Variants in NAV2 observed in about 807,000 individuals in gnomAD.
The protein encoded by NAV2 is neuron navigator 2, also known as helicase, APC down-regulated 1.
Under a neutral mutation model 223.2 loss-of-function variants are expected in NAV2, and 54 were observed. That is an observed-to-expected ratio of 0.24 (90% CI 0.19 to 0.30). The LOEUF (loss-of-function observed/expected upper bound fraction) is 0.30, where lower values mean the gene tolerates loss of function less well. Ranked by LOEUF, NAV2 falls within the 10% of genes least tolerant of loss-of-function variation. The pLI is 1.00. For synonymous variants in NAV2, 1,279 were observed against 1,239.3 expected, an observed-to-expected ratio of 1.03 and a Z score of -0.67; for missense variants, 2,806 against 3,147.5, an observed-to-expected ratio of 0.89 and a Z score of 2.60.
intron 1 of NAV2, among the ~76,000 whole-genome samples, chr11:19,695,854 G>C (rs1185634495): frequency 6.7e-6 from 1 of 148,260 alleles, no homozygotes; most frequent in Non-Finnish European, 1.5e-5. Context: ...CAATGAGCTG[G>C]GATCACACCA....
intron 1 of NAV2, among the ~76,000 whole-genome samples, chr11:19,684,941 G>A (rs550065221): frequency 9.2e-5 from 14 of 152,314 alleles, no homozygotes; most frequent in Admixed American, 9.1e-4. Context: ...TGCTCAGTGA[G>A]TGCTGATTTC....
chr11:19,403,847 G>A (rs1364711820), intron 1 of NAV2, among the ~76,000 whole-genome samples: 1 of 152,068 alleles, frequency 6.6e-6, no homozygotes, highest in Non-Finnish European at 1.5e-5. Context: ...TGTTATTTTA[G>A]ATGGGGTGGC....
At chr11:19,875,288 G>A (rs1185740190) in intron 4 of NAV2, among the ~76,000 whole-genome samples, 1 of 152,156 alleles carries the variant, frequency 6.6e-6, no homozygotes, top group Non-Finnish European at 1.5e-5. Flanking sequence ...GAACATCATA[G>A]CTCAGCCTAA....
chr11:20,097,891 A>G, intron 31 of NAV2, 146 bp downstream of exon 31: 1 of 679,600 alleles, frequency 1.5e-6, no homozygotes, highest in Non-Finnish European at 2.4e-6. Context: ...ACTCTATGCA[A>G]GTTGAACCGT....
chr11:20,059,069 C>T (rs1170279433), intron 19 of NAV2, among the ~76,000 whole-genome samples: 4 of 151,938 alleles, frequency 2.6e-5, no homozygotes, highest in Non-Finnish European at 4.4e-5. Flanking sequence ...ATATCTGACT[C>T]AGTTGGGTTT....
At chr11:20,041,756 C>T (rs1020892101) in intron 12 of NAV2, among the ~76,000 whole-genome samples, 1 of 152,172 alleles carries the variant, frequency 6.6e-6, no homozygotes, top group African/African-American at 2.4e-5. Flanking sequence ...TTATTTTCTG[C>T]CTCAGGACCT....
At chr11:19,419,430 G>A (rs1053527603) in intron 1 of NAV2, among the ~76,000 whole-genome samples, 2 of 152,094 alleles carry the variant, frequency 1.3e-5, no homozygotes, top group Non-Finnish European at 2.9e-5. Flanking sequence ...TTCCAGCAGC[G>A]TGCATACCTC....
At chr11:19,391,280 C>T (rs1304842781) in intron 1 of NAV2, among the ~76,000 whole-genome samples, 1 of 152,146 alleles carries the variant, frequency 6.6e-6, no homozygotes, top group Admixed American at 6.5e-5. Context: ...CCCTTAGCTT[C>T]CATTCAGTTC....
chr11:19,803,007 G>T (rs141624624), intron 1 of NAV2, among the ~76,000 whole-genome samples: 1 of 152,136 alleles, frequency 6.6e-6, no homozygotes, highest in Non-Finnish European at 1.5e-5. Flanking sequence ...TCATGTTCTT[G>T]CACAGAGACG....
intron 1 of NAV2, among the ~76,000 whole-genome samples, chr11:19,816,961 T>A (rs2059122104): frequency 6.6e-6 from 1 of 152,114 alleles, no homozygotes; most frequent in Non-Finnish European, 1.5e-5. Flanking sequence ...GGACTCCACC[T>A]GGAGCCCTCT....
At chr11:19,440,563 A>G (rs1207406284) in intron 1 of NAV2, among the ~76,000 whole-genome samples, 1 of 152,172 alleles carries the variant, frequency 6.6e-6, no homozygotes, top group Non-Finnish European at 1.5e-5. Context: ...AACTCTAGTC[A>G]TTCATTCTTG....
At chr11:19,891,704 G>C (rs1335569597) in intron 5 of NAV2, among the ~76,000 whole-genome samples, 1 of 152,166 alleles carries the variant, frequency 6.6e-6, no homozygotes, top group Non-Finnish European at 1.5e-5. Context: ...AGTTTTCATT[G>C]CAAATATGTT....
chr11:20,077,381 A>C (rs1332172878), intron 22 of NAV2, among the ~76,000 whole-genome samples, 171 bp from the exon 23 acceptor site: 1 of 152,076 alleles, frequency 6.6e-6, no homozygotes, highest in Non-Finnish European at 1.5e-5. Flanking sequence ...AGCAAGTAGA[A>C]GACTGGAGTG....
chr11:19,706,701 G>A (rs2049673643), intron 1 of NAV2, among the ~76,000 whole-genome samples: 1 of 152,202 alleles, frequency 6.6e-6, no homozygotes, highest in African/African-American at 2.4e-5. Context: ...CAGGCACATA[G>A]ATGGCTTGCA....
chr11:19,371,580 G>A (rs1017506944), intron 1 of NAV2, among the ~76,000 whole-genome samples: 5 of 152,080 alleles, frequency 3.3e-5, no homozygotes, highest in Admixed American at 3.3e-4. Context: ...GAAGAATGTA[G>A]GTAGTACTAG....
chr11:19,843,024 C>A, intron 3 of NAV2, 101 bp downstream of exon 3: 1 of 943,272 alleles, frequency 1.1e-6, no homozygotes, highest in South Asian at 1.5e-5. Flanking sequence ...ATGCTTTACT[C>A]CAGGGGATTA....
chr11:19,840,288 C>T (rs2060440927), intron 2 of NAV2, among the ~76,000 whole-genome samples: 1 of 152,080 alleles, frequency 6.6e-6, no homozygotes, highest in Admixed American at 6.6e-5. Context: ...TTGTAAGAGC[C>T]ATGATATTTA....
intron 1 of NAV2, among the ~76,000 whole-genome samples, chr11:19,375,473 T>A (rs1214264024): frequency 6.6e-6 from 1 of 152,186 alleles, no homozygotes; most frequent in Admixed American, 6.5e-5. Context: ...AATTTCAATA[T>A]CTACCTCCTC....
intron 1 of NAV2, among the ~76,000 whole-genome samples, chr11:19,605,907 T>A (rs2046464829): frequency 6.6e-6 from 1 of 152,064 alleles, no homozygotes; most frequent in Non-Finnish European, 1.5e-5. Flanking sequence ...CCGCTGCTCA[T>A]CGATGAGGAG....
Sources: allele counts gnomAD v4.1 joint callset (sites outside exome capture counted in the v4.1 genomes callset), GRCh38; gene constraint gnomAD v4.1.1; transcripts MANE v1.5; gene names NCBI Gene and HGNC (gene_info 2026-07-23, HGNC 2026-07-21).